The following MEI1 variants were observed in gnomAD, a reference collection of about 807,000 sequenced individuals.
MEI1 encodes meiosis inhibitor protein 1.
Under a neutral mutation model 146.2 loss-of-function variants are expected in MEI1, and 103 were observed. That is an observed-to-expected ratio of 0.70 (90% confidence interval 0.60 to 0.83). The LOEUF (loss-of-function observed/expected upper bound fraction) is 0.83, where lower values mean the gene tolerates loss of function less well. Ranked by LOEUF, MEI1 falls within the 40% of genes least tolerant of loss-of-function variation. MEI1 has a pLI of 0.00. For synonymous variants in MEI1, 652 were observed against 628.2 expected (o/e 1.04, Z -0.57); for missense variants, 1,529 against 1,533.0 (o/e 1.00, Z 0.04).
chr22:41,714,022 C>G lies in MEI1; in HGVS notation c.370C>G (p.Gln124Glu). Residue 124 changes from glutamine to glutamate, a missense_variant, in exon 4 of 31, where the codon CAG becomes GAG. Transcript: ENST00000401548. The part of the protein sequence containing the change: ...CIEVLIQITT[Q>E]LKLEQTIRCL... ...TTCAGTCCTTATTCAGATCACAACG[C>G]AGCTGAAGCTGGAGCAGACTATCCG... is the stretch of plus-strand genomic sequence containing the variant. 1 of 1,596,404 alleles carries G rather than the reference C, an allele frequency of 6.3e-7. No homozygotes were observed. Among genetic ancestry groups the G allele is most frequent in the Non-Finnish European group, 8.5e-7 (1 of 1,171,412 alleles).
At chr22:41,784,852 G>C (rs1451161020) in intron 26 of MEI1, 69 bp downstream of exon 26, 6 of 1,346,292 alleles carry the variant, frequency 4.5e-6, no homozygotes, top group African/African-American at 4.4e-5. Flanking sequence ...TGCCTGTCGA[G>C]AGCCTGATAC....
chr22:41,716,355 CTTTTTTTTTT>C (rs6147630), intron 5 of MEI1, among the ~76,000 whole-genome samples: 344 of 118,116 alleles, frequency 2.9e-3, no homozygotes, highest in Non-Finnish European at 3.9e-3. Context: ...TCCATTCATT[CTTTTTTTTTT>C]TTTTTTTTTT....
At chr22:41,796,392 C>A (rs1180911756) in intron 30 of MEI1, among the ~76,000 whole-genome samples, 1 of 149,484 alleles carries the variant, frequency 6.7e-6, no homozygotes, top group South Asian at 2.1e-4. Flanking sequence ...GACAGGGTTT[C>A]ACCATATTGG....
chr22:41,778,004 C>CCTTCCTTCTCCTCCTTT (rs933365374), intron 21 of MEI1, among the ~76,000 whole-genome samples: 13 of 151,266 alleles, frequency 8.6e-5, no homozygotes, highest in African/African-American at 2.4e-4. Flanking sequence ...CCTCCTCCTT[C>CCTTCCTTCTCCTCCTTT]CTTCCTTCTC....
intron 22 of MEI1, among the ~76,000 whole-genome samples, chr22:41,780,133 G>A (rs1222103895): frequency 1.3e-5 from 2 of 152,216 alleles, no homozygotes; most frequent in Admixed American, 6.5e-5. Flanking sequence ...AGCTAGGAGG[G>A]GGATCTGTGT....
In MEI1 at chr22:41,716,119, C is replaced by A; in HGVS notation, c.502C>A (p.Leu168Met). ...CAAGTTGGTGGATGCCATCCCTGCT[C>A]TGGCAGACGAGCTTGTAATGGAGCA... is the stretch of plus-strand genomic sequence containing the variant. The part of the protein sequence containing the change: ...LGKLVDAIPA[L>M]ADELVMEHGN... Residue 168 changes from leucine (L) to methionine (M), a missense_variant, in exon 5 of 31, where the codon CTG (leucine) becomes ATG (methionine). By Grantham distance (15) the Leu-to-Met change is conservative. Coordinates refer to ENST00000401548, the MANE Select transcript of MEI1 (RefSeq NM_152513.4). 1 of 1,610,544 alleles carries A rather than the reference C, an allele frequency of 6.2e-7. No individual in the cohort carries two copies. Among genetic ancestry groups the A allele is most frequent in the Non-Finnish European group, 8.5e-7 (1 of 1,178,420 alleles).
At chr22:41,732,141 T>TC in intron 9 of MEI1, 104 bp from the exon 10 acceptor site, 1 of 877,392 alleles carries the variant, frequency 1.1e-6, no homozygotes, top group Non-Finnish European at 1.8e-6. Context: ...ACGAGTGGCC[T>TC]CCAACTCATA....
At chr22:41,765,181 A>T (rs917202294) in intron 19 of MEI1, among the ~76,000 whole-genome samples, 3 of 152,100 alleles carry the variant, frequency 2.0e-5, no homozygotes, top group Non-Finnish European at 2.9e-5. Context: ...ACGCCCAGCT[A>T]ATTATTGTAT....
At position 41,781,293 on chromosome 22, in the gene MEI1, T is replaced by A; in HGVS notation, c.2825T>A (p.Leu942Gln). 1 of 1,611,626 alleles carries A rather than the reference T, an allele frequency of 6.2e-7. No individual in the cohort carries two copies. The highest frequency in any genetic ancestry group is 8.5e-7 in the Non-Finnish European group (1 of 1,179,044). ...AMKLLHQVSKLCGKCSPTDVD... is the reference protein window; with the variant it reads ...AMKLLHQVSKQCGKCSPTDVD... The stretch of plus-strand genomic sequence containing the variant: ...CTTTCATCTCTTGCAGTAAGCAAGC[T>A]GTGTGGGAAGTGCAGCCCCACTGAC... The change falls in exon 23 of 31, where the codon CTG (leucine) becomes CAG (glutamine). Residue 942 changes from leucine (L) to glutamine (Q), a missense_variant. Leu to Gln is a moderately radical substitution (Grantham distance 113). Transcript: ENST00000401548.
At chr22:41,721,237 C>CTTTTTGTTTTTTTT (rs2070763485) in intron 6 of MEI1, among the ~76,000 whole-genome samples, 1 of 70,484 alleles carries the variant, frequency 1.4e-5, no homozygotes, top group African/African-American at 6.9e-5. Flanking sequence ...CACGCCCGTT[C>CTTTTTGTTTTTTTT]TTTTTTTTTT....
At chr22:41,763,776 A>T (rs1255126711) in intron 19 of MEI1, among the ~76,000 whole-genome samples, 3 of 150,818 alleles carry the variant, frequency 2.0e-5, no homozygotes, top group African/African-American at 4.9e-5. Flanking sequence ...ATTAAAAATT[A>T]AAAAAAAACA....
chr22:41,714,466 C>T (rs992482127), intron 4 of MEI1, among the ~76,000 whole-genome samples: 2 of 152,052 alleles, frequency 1.3e-5, no homozygotes, highest in Non-Finnish European at 2.9e-5. Flanking sequence ...TTACTTAGTA[C>T]TGAAGGTGTT....
chr22:41,768,231 A>T (rs1299526323), intron 19 of MEI1, among the ~76,000 whole-genome samples: 1 of 152,048 alleles, frequency 6.6e-6, no homozygotes, highest in East Asian at 1.9e-4. Context: ...AAATACAAAA[A>T]ATTAGCTGGG....
intron 22 of MEI1, among the ~76,000 whole-genome samples, chr22:41,780,067 G>A (rs1297101601): frequency 6.6e-6 from 1 of 152,136 alleles, no homozygotes; most frequent in African/African-American, 2.4e-5. Context: ...ATTGCAGATG[G>A]CCTCAGCCTG....
chr22:41,744,020 G>A (rs1428640684), intron 12 of MEI1, among the ~76,000 whole-genome samples: 2 of 151,750 alleles, frequency 1.3e-5, no homozygotes, highest in East Asian at 3.9e-4. Flanking sequence ...GGGATTACAG[G>A]CATGCACCAC....
chr22:41,746,903 G>T (rs1026683096), intron 14 of MEI1, among the ~76,000 whole-genome samples: 2 of 152,104 alleles, frequency 1.3e-5, no homozygotes, highest in African/African-American at 4.8e-5. Context: ...GCAACTCATC[G>T]CAGTTTACTC....
intron 19 of MEI1, among the ~76,000 whole-genome samples, chr22:41,768,313 C>T (rs1481040860): frequency 2.7e-5 from 4 of 149,984 alleles, no homozygotes; most frequent in South Asian, 2.1e-4. Flanking sequence ...ATCCTGGAGG[C>T]GGAGGTTGCA....
intron 30 of MEI1, among the ~76,000 whole-genome samples, chr22:41,798,578 A>C (rs879397660): frequency 2.0e-5 from 3 of 146,428 alleles, no homozygotes; most frequent in Non-Finnish European, 3.0e-5. Context: ...ACTCCGTCTC[A>C]AAAAAAAAGA....
Position 41,713,263 on chromosome 22 carries a change from G to A in MEI1, c.350-739G>A, listed in dbSNP as rs556130384. 3.9e-5 allele frequency among the ~76,000 whole-genome samples: 6 copies of A among 152,150 alleles called. No homozygotes were observed. The East Asian group carries it at 1.2e-3, about 29-fold the overall frequency. ...AGGCAGGAGGACTGCTGAAGCCCAG[G>A]CATTTGAGATTACCCTGGGCAGTAC... On this transcript the variant is annotated intron_variant, in intron 3 of 30. Transcript: ENST00000401548.
Sources: allele counts gnomAD v4.1 joint callset (sites outside exome capture counted in the v4.1 genomes callset), GRCh38; gene constraint gnomAD v4.1.1; transcripts MANE v1.5; gene names NCBI Gene and HGNC (gene_info 2026-07-23, HGNC 2026-07-21).